The following TMEM163 variants were observed in gnomAD, a reference collection of about 807,000 sequenced individuals.
TMEM163 encodes the protein transmembrane protein 163.
TMEM163 carries 17 observed loss-of-function variants against 29.3 expected under a neutral mutation model. The observed-to-expected ratio is 0.58, with a 90% CI of 0.40 to 0.87. The LOEUF is 0.87. Among genes scored for constraint, TMEM163 ranks in the 40% least tolerant of loss-of-function variants. The pLI, the probability that TMEM163 is intolerant of heterozygous loss-of-function variation, is 0.00. For missense variants in TMEM163, 303 were observed against 381.5 expected (o/e 0.79, Z 1.71); for synonymous variants, 157 against 160.6 (o/e 0.98, Z 0.17).
intron 2 of TMEM163, 105 bp downstream of exon 2, chr2:134,713,095 C>T (rs1387072469): frequency 6.7e-7 from 1 of 1,496,876 alleles, no homozygotes; most frequent in Non-Finnish European, 8.9e-7. Flanking sequence ...AAAAAATTTA[C>T]TCATCAATAA....
intron 4 of TMEM163, among the ~76,000 whole-genome samples, chr2:134,544,863 A>G (rs1023111904): frequency 5.3e-5 from 8 of 152,266 alleles, no homozygotes; most frequent in African/African-American, 1.2e-4. Flanking sequence ...CAATGACCAC[A>G]TGGGGCTAGT....
chr2:134,600,756 C>T (rs906077901), intron 2 of TMEM163, among the ~76,000 whole-genome samples: 2 of 152,184 alleles, frequency 1.3e-5, no homozygotes, highest in Admixed American at 6.5e-5. Context: ...AGGAGGCCAG[C>T]ACATGGCAAA....
chr2:134,507,416 A>G (rs1297676999), intron 4 of TMEM163, among the ~76,000 whole-genome samples: 1 of 152,192 alleles, frequency 6.6e-6, no homozygotes, highest in African/African-American at 2.4e-5. Context: ...TGGTCCACGA[A>G]TCAGCAGCAC....
intron 2 of TMEM163, among the ~76,000 whole-genome samples, chr2:134,695,045 A>G (rs1359235417): frequency 6.6e-6 from 1 of 152,214 alleles, no homozygotes; most frequent in Non-Finnish European, 1.5e-5. Flanking sequence ...AACAAAGCTA[A>G]TACTTTTAGA....
chr2:134,603,715 C>T (rs1682286384), intron 2 of TMEM163, among the ~76,000 whole-genome samples: 1 of 152,030 alleles, frequency 6.6e-6, no homozygotes, highest in Non-Finnish European at 1.5e-5. Context: ...GCCTCTAGCA[C>T]CTACCTCCCC....
intron 5 of TMEM163, among the ~76,000 whole-genome samples, chr2:134,484,579 C>T (rs1043598847): frequency 2.6e-5 from 4 of 152,136 alleles, no homozygotes; most frequent in African/African-American, 4.8e-5. Flanking sequence ...GAGGCTGAGG[C>T]CCCTGTGTGT....
chr2:134,556,575 T>A (rs1477195106), intron 2 of TMEM163, among the ~76,000 whole-genome samples: 1 of 152,158 alleles, frequency 6.6e-6, no homozygotes. Flanking sequence ...ATCCCAGCAC[T>A]TAGGGAGGCC....
intron 2 of TMEM163, among the ~76,000 whole-genome samples, chr2:134,599,014 TAAAAAAAA>T (rs34207224): frequency 2.4e-5 from 3 of 124,342 alleles, no homozygotes; most frequent in Non-Finnish European, 4.9e-5. Flanking sequence ...GCCATTCCGT[TAAAAAAAA>T]AAAAAAAAAA....
chr2:134,618,372 A>G (rs907918783), intron 2 of TMEM163, among the ~76,000 whole-genome samples: 1 of 152,214 alleles, frequency 6.6e-6, no homozygotes, highest in Non-Finnish European at 1.5e-5. Context: ...TAATAAATAC[A>G]TATGCATCTA....
chr2:134,511,176 T>C (rs1184726886), intron 4 of TMEM163, among the ~76,000 whole-genome samples: 2 of 150,336 alleles, frequency 1.3e-5, no homozygotes, highest in East Asian at 2.0e-4. Flanking sequence ...TGTTACTTTA[T>C]ATCCAGTACT....
chr2:134,634,908 T>C (rs539405838), intron 2 of TMEM163, among the ~76,000 whole-genome samples: 124 of 152,366 alleles, frequency 8.1e-4, no homozygotes, highest in Non-Finnish European at 1.4e-3. Flanking sequence ...AACTCTAGAA[T>C]AGTTGCTAAG....
Position 134,554,183 on chromosome 2 carries a change from G to A in TMEM163, c.323-2092C>T, listed in dbSNP as rs182692571. Reference sequence around the variant, plus strand: ...CTCACACCTGTAATCTCAGCACTTTGGGAGGCCAAGGTGGGGGGATCACGA... The same window carrying A: ...CTCACACCTGTAATCTCAGCACTTTAGGAGGCCAAGGTGGGGGGATCACGA... On this transcript the variant is annotated intron_variant, in intron 2 of 7. Coordinates refer to ENST00000281924, the MANE Select transcript of TMEM163 (RefSeq NM_030923.5). Among the ~76,000 whole-genome samples, 149 of 152,166 alleles carry A rather than the reference G, an allele frequency of 9.8e-4. 1 individual carries two copies. Among genetic ancestry groups the A allele is most frequent in the African/African-American group, 3.4e-3 (142 of 41,518 alleles).
At chr2:134,700,941 A>AATAC (rs1553495681) in intron 2 of TMEM163, among the ~76,000 whole-genome samples, 3 of 146,368 alleles carry the variant, frequency 2.0e-5, no homozygotes, top group East Asian at 2.0e-4. Flanking sequence ...TAAATAAATA[A>AATAC]ATAAATAAAG....
At chr2:134,579,075 G>A (rs565545844) in intron 2 of TMEM163, among the ~76,000 whole-genome samples, 1 of 152,310 alleles carries the variant, frequency 6.6e-6, no homozygotes, top group Admixed American at 6.5e-5. Flanking sequence ...AGGCCCTCCT[G>A]GGTGGGAGGA....
At chr2:134,700,677 T>A (rs1324851884) in intron 2 of TMEM163, among the ~76,000 whole-genome samples, 3 of 152,134 alleles carry the variant, frequency 2.0e-5, no homozygotes. Flanking sequence ...GGCGGGCGGA[T>A]GACCTGAGGT....
intron 2 of TMEM163, among the ~76,000 whole-genome samples, chr2:134,644,759 T>C (rs1683297628): frequency 6.6e-6 from 1 of 151,768 alleles, no homozygotes; most frequent in Admixed American, 6.6e-5. Flanking sequence ...AAAGAAAAAA[T>C]TGATCAACTG....
At chr2:134,609,083 G>A (rs1183687473) in intron 2 of TMEM163, among the ~76,000 whole-genome samples, 41 of 72,092 alleles carry the variant, frequency 5.7e-4, no homozygotes, top group Non-Finnish European at 6.7e-4. Flanking sequence ...GAACTGTACT[G>A]GTGAAAAGGA....
intron 2 of TMEM163, among the ~76,000 whole-genome samples, chr2:134,707,543 T>G (rs1051313040): frequency 3.3e-5 from 5 of 152,128 alleles, no homozygotes; most frequent in African/African-American, 1.2e-4. Flanking sequence ...ACATGCAGAA[T>G]GTCAGCTGCA....
At chr2:134,709,045 T>G (rs1227404717) in intron 2 of TMEM163, among the ~76,000 whole-genome samples, 1 of 152,352 alleles carries the variant, frequency 6.6e-6, no homozygotes, top group African/African-American at 2.4e-5. Flanking sequence ...AAAATTAACT[T>G]GCACTCAAAC....
Sources: gnomAD v4.1 joint callset for allele counts (sites outside exome capture counted in the v4.1 genomes callset) on GRCh38, gnomAD v4.1.1 for gene constraint, MANE v1.5 for transcripts, NCBI Gene and HGNC (gene_info 2026-07-23, HGNC 2026-07-21) for gene names.